The following LMTK2 variants were observed in gnomAD, a reference collection of about 807,000 sequenced individuals.
LMTK2 encodes the protein lemur tail kinase 2.
Under a neutral mutation model 127.5 loss-of-function variants are expected in LMTK2, and 37 were observed. The observed-to-expected ratio is 0.29, with a 90% CI of 0.22 to 0.38. LMTK2 has a LOEUF of 0.38. Ranked by LOEUF, LMTK2 falls within the 10% of genes least tolerant of loss-of-function variation. LMTK2 has a pLI of 1.00. For synonymous variants in LMTK2, 819 were observed against 810.1 expected (o/e 1.01, Z -0.19); for missense variants, 1,694 against 1,920.3 (o/e 0.88, Z 2.20).
intron 3 of LMTK2, among the ~76,000 whole-genome samples, chr7:98,149,638 C>A (rs1478527318): frequency 6.6e-6 from 1 of 151,886 alleles, no homozygotes; most frequent in Admixed American, 6.6e-5. Flanking sequence ...CATCATAAAC[C>A]TAAATTTAGA....
intron 3 of LMTK2, among the ~76,000 whole-genome samples, chr7:98,143,026 A>G (rs1255064890): frequency 6.6e-6 from 1 of 152,198 alleles, no homozygotes; most frequent in African/African-American, 2.4e-5. Context: ...ATGCAGAGCC[A>G]TCACTGGTCA....
chr7:98,140,142 CTTTTCTTTTCTTTT>C (rs1796663258), intron 2 of LMTK2, among the ~76,000 whole-genome samples: 11 of 67,246 alleles, frequency 1.6e-4, no homozygotes, highest in Middle Eastern at 5.2e-3. Flanking sequence ...TTCTTTCTTT[CTTTTCTTTTCTTTT>C]CTTTTCTTTT....
intron 7 of LMTK2, among the ~76,000 whole-genome samples, chr7:98,182,027 G>A (rs1797363647): frequency 1.3e-5 from 2 of 152,146 alleles, no homozygotes; most frequent in Admixed American, 1.3e-4. Context: ...AACAAATGCT[G>A]CTGGGAAAAT....
Position 98,171,755 on chromosome 7 carries a change from A to C in LMTK2, c.791+81A>C. ...AGAGGCTGCCGAGTTTGTGAAACTT[A>C]AGGAGGACAGGAGGTGGCAGAATGA... On this transcript the variant is annotated intron_variant, in intron 7 of 13. Transcript: ENST00000297293. This position sits in a 1 kb window ranked among gnomAD's most constrained non-coding sequence, Gnocchi z 5.1. 1.4e-6 allele frequency: 2 copies of C among 1,432,688 alleles called. No homozygotes were observed. The highest frequency in any genetic ancestry group is 2.8e-5 in the Admixed American group (1 of 35,594). The allele number at this position is 1,432,688 out of a possible 1,614,324, so 88.7% of individuals were successfully genotyped here.
chr7:98,178,640 G>C (rs1338861449), intron 7 of LMTK2, among the ~76,000 whole-genome samples: 3 of 152,182 alleles, frequency 2.0e-5, no homozygotes, highest in Admixed American at 6.5e-5. Flanking sequence ...AGCCATTGAC[G>C]TCAAGAGTTC....
chr7:98,205,620 T>G lies in LMTK2; in HGVS notation c.*128T>G. ...GAGATTGGGAGGAAGAATCCAGAGG[T>G]GAAGAGGGAGACGGCTCTTAGCTGC... On this transcript the variant is annotated 3_prime_UTR_variant, in exon 14 of 14. Transcript: ENST00000297293. The G allele has an allele frequency of 1.9e-6, 2 of 1,028,128 alleles. No individual in the cohort carries two copies. The highest frequency in any genetic ancestry group is 4.1e-5 in the Admixed American group (2 of 49,090). 63.7% of individuals were successfully genotyped at this position (1,028,128 alleles called of 1,614,324 possible).
chr7:98,160,475 C>CTTTG (rs1193652207), intron 6 of LMTK2, among the ~76,000 whole-genome samples: 2 of 152,156 alleles, frequency 1.3e-5, no homozygotes, highest in African/African-American at 2.4e-5. Context: ...TAGGTGTTGG[C>CTTTG]TTTGAGTCAA....
chr7:98,111,050 T>A (rs898579404), intron 1 of LMTK2, among the ~76,000 whole-genome samples: 1 of 152,220 alleles, frequency 6.6e-6, no homozygotes, highest in African/African-American at 2.4e-5. Flanking sequence ...AATCTTGAAA[T>A]TTGATTTTGG....
At chr7:98,123,163 C>A (rs748404476) in intron 1 of LMTK2, among the ~76,000 whole-genome samples, 3 of 152,200 alleles carry the variant, frequency 2.0e-5, no homozygotes, top group African/African-American at 7.2e-5. Flanking sequence ...ACATTGTGGG[C>A]TAATGTGCTT....
At position 98,192,198 on chromosome 7, in the gene LMTK2, A is replaced by G. The variant is rs762680970; in HGVS notation, c.1733A>G (p.Asn578Ser). The G allele has an allele frequency of 6.6e-7, 1 of 1,523,964 alleles. No individual in the cohort carries two copies. The highest frequency in any genetic ancestry group is 2.3e-5 in the East Asian group (1 of 44,232). 94.4% of individuals were successfully genotyped at this position (1,523,964 alleles called of 1,614,324 possible). ...PPALLTTDMD[N>S]PERTGPELSQ... Reference sequence around the variant, plus strand: ...GCGCTGCTCACAACCGACATGGATAATCCAGAAAGGACTGGCCCTGAACTG... The same window carrying G: ...GCGCTGCTCACAACCGACATGGATAGTCCAGAAAGGACTGGCCCTGAACTG... Residue 578 changes from asparagine (N) to serine (S), a missense_variant, in exon 11 of 14, where the codon AAT (asparagine) becomes AGT (serine). Physicochemically the swap from Asn to Ser is conservative, Grantham distance 46. Coordinates refer to ENST00000297293, the MANE Select transcript of LMTK2 (RefSeq NM_014916.4).
chr7:98,171,802 G>A lies in LMTK2; in HGVS notation c.791+128G>A. On this transcript the variant is annotated intron_variant, in intron 7 of 13. Transcript: ENST00000297293. This position sits in a 1 kb window ranked among gnomAD's most constrained non-coding sequence, Gnocchi z 5.1. ...ATGAACCCAGCTCATGTAGGTAGAAGCGATCTCGTTCTTACCCATGTCCGG... is the reference window on the plus strand; with the variant it reads ...ATGAACCCAGCTCATGTAGGTAGAAACGATCTCGTTCTTACCCATGTCCGG... 9.5e-7 allele frequency: 1 copy of A among 1,055,436 alleles called. No individual in the cohort carries two copies. Among genetic ancestry groups the A allele is most frequent in the Non-Finnish European group, 1.3e-6 (1 of 762,052 alleles). 65.4% of individuals were successfully genotyped at this position (1,055,436 alleles called of 1,614,324 possible).
At chr7:98,190,936 A>G (rs1797513226) in intron 10 of LMTK2, 59 bp downstream of exon 10, 3 of 1,118,346 alleles carry the variant, frequency 2.7e-6, no homozygotes, top group Non-Finnish European at 3.6e-6. Context: ...TGTCCCCAAA[A>G]CACAAAAAAA....
chr7:98,166,818 G>A (rs1797108962), intron 6 of LMTK2, among the ~76,000 whole-genome samples: 1 of 152,206 alleles, frequency 6.6e-6, no homozygotes, highest in Non-Finnish European at 1.5e-5. Context: ...TTGCACGATG[G>A]TGAAATTGCC....
intron 2 of LMTK2, among the ~76,000 whole-genome samples, chr7:98,140,122 C>CG (rs1433088349): frequency 0.17 from 6,456 of 37,592 alleles, 1,799 homozygotes; most frequent in East Asian, 0.53. Context: ...TTCTTTCTTT[C>CG]TTTCTTTCTT....
intron 1 of LMTK2, 95 bp from the exon 2 acceptor site, chr7:98,137,220 C>A: frequency 2.6e-6 from 3 of 1,152,936 alleles, no homozygotes; most frequent in Non-Finnish European, 3.7e-6. Flanking sequence ...TTAACCCTTA[C>A]ACCCATTTGT....
chr7:98,169,969 C>T (rs761662741), intron 6 of LMTK2, among the ~76,000 whole-genome samples: 2 of 152,230 alleles, frequency 1.3e-5, no homozygotes, highest in Admixed American at 6.5e-5. Context: ...AGTCACATGA[C>T]GCTTGGGAGA....
chr7:98,108,087 C>T (rs1281607869), intron 1 of LMTK2, among the ~76,000 whole-genome samples: 1 of 152,118 alleles, frequency 6.6e-6, no homozygotes, highest in African/African-American at 2.4e-5. Flanking sequence ...GCCGCCATTA[C>T]CTTTGAAATG....
chr7:98,115,403 GAGACTCAA>G (rs527405790), intron 1 of LMTK2, among the ~76,000 whole-genome samples: 125 of 151,556 alleles, frequency 8.2e-4, no homozygotes, highest in African/African-American at 2.8e-3. Context: ...GCGACAGAGC[GAGACTCAA>G]AGAAAGAGAA....
At chr7:98,148,593 G>A (rs541412386) in intron 3 of LMTK2, among the ~76,000 whole-genome samples, 1 of 151,992 alleles carries the variant, frequency 6.6e-6, no homozygotes, top group South Asian at 2.1e-4. Context: ...GACAGTTTCC[G>A]TTTGTTCATT....
Sources: allele counts gnomAD v4.1 joint callset (sites outside exome capture counted in the v4.1 genomes callset), GRCh38; gene constraint gnomAD v4.1.1; non-coding constraint Gnocchi (gnomAD v3.1); transcripts MANE v1.5; gene names NCBI Gene and HGNC (gene_info 2026-07-23, HGNC 2026-07-21).